Variants in NFRKB observed in about 807,000 individuals in gnomAD.
NFRKB encodes the protein nuclear factor related to kappa-B-binding protein.
Under a neutral mutation model 135.7 loss-of-function variants are expected in NFRKB, and 62 were observed. That is an observed-to-expected ratio of 0.46 (90% CI 0.37 to 0.56). The LOEUF is 0.56. Among genes scored for constraint, NFRKB ranks in the 20% least tolerant of loss-of-function variants. The probability of loss-of-function intolerance (pLI) is 0.00; values close to 1 mark genes in which losing one functional copy is unlikely to be tolerated. For synonymous variants in NFRKB, 678 were observed against 635.6 expected (o/e 1.07, Z -1.00); for missense variants, 1,545 against 1,662.0 (o/e 0.93, Z 1.22).
intron 6 of NFRKB, 32 bp downstream of exon 6, chr11:129,885,403 C>G: frequency 6.3e-7 from 1 of 1,578,742 alleles, no homozygotes; most frequent in Non-Finnish European, 8.6e-7. Context: ...CATCCAATAC[C>G]CCAGCTACCC....
At chr11:129,876,660 G>GAGTTCAGAGTTA in intron 17 of NFRKB, 61 bp downstream of exon 17, 1 of 1,558,680 alleles carries the variant, frequency 6.4e-7, no homozygotes, top group Non-Finnish European at 8.7e-7. Context: ...GTTCAGAGTT[G>GAGTTCAGAGTTA]GTAAGAGAAA....
At chr11:129,893,157 GAATA>G (rs762183085) in intron 2 of NFRKB, 2 of 1,032,538 alleles carry the variant, frequency 1.9e-6, no homozygotes, top group East Asian at 4.0e-5. Flanking sequence ...ATGAGACTGA[GAATA>G]AATGATAAAC....
chr11:129,888,978 AT>A (rs375449345), intron 3 of NFRKB, among the ~76,000 whole-genome samples, 183 bp from the exon 4 acceptor site: 2,855 of 143,654 alleles, frequency 0.02, 73 homozygotes, highest in African/African-American at 0.06. Flanking sequence ...AATTTTTTAC[AT>A]TTTTTTTTTT....
intron 13 of NFRKB, 73 bp from the exon 14 acceptor site, chr11:129,878,616 T>C (rs987020955): frequency 8.6e-7 from 1 of 1,169,024 alleles, no homozygotes; most frequent in Non-Finnish European, 1.3e-6. Flanking sequence ...TTCTCTTTAC[T>C]AGCTGTAACT....
At chr11:129,868,805 G>T (rs1251020058) in intron 24 of NFRKB, among the ~76,000 whole-genome samples, 2 of 152,186 alleles carry the variant, frequency 1.3e-5, no homozygotes, top group Admixed American at 1.3e-4. Context: ...GAGGCGGGAG[G>T]ATCATCTGAG....
chr11:129,886,887 C>G (rs1368229560), intron 4 of NFRKB, among the ~76,000 whole-genome samples: 1 of 152,194 alleles, frequency 6.6e-6, no homozygotes, highest in Non-Finnish European at 1.5e-5. Context: ...TCAGAGGAGA[C>G]AGTGCACCCT....
chr11:129,876,676 C>T (rs574638987), intron 17 of NFRKB, 45 bp downstream of exon 17: 61 of 1,546,372 alleles, frequency 3.9e-5, no homozygotes, highest in South Asian at 2.9e-4. Flanking sequence ...AGAAAAGCTG[C>T]GGGGTGAAGA....
At position 129,864,793 on chromosome 11, in the gene NFRKB, AG is replaced by A. The variant is rs1219399236; in HGVS notation, c.3831del (p.Ser1278ProfsTer9). 1.9e-6 allele frequency: 3 copies of A among 1,614,076 alleles called. No individual in the cohort carries two copies. Among genetic ancestry groups the A allele is most frequent in the Non-Finnish European group, 2.5e-6 (3 of 1,180,036 alleles). On this transcript the variant is annotated frameshift_variant, in exon 27 of 27. Transcript: ENST00000682444. LOFTEE classifies it high-confidence loss of function. ...ACAACAACAGTGGAGACTGCTTTGGAGGAGCCAGAAGCTGTTCCCTGTTGGA... is the reference window on the plus strand; with the variant it reads ...ACAACAACAGTGGAGACTGCTTTGGAGAGCCAGAAGCTGTTCCCTGTTGGA... ...SHLQQGTASG[S>X]SKAVSTVVVT...
At chr11:129,871,009 G>C (rs375109496) in intron 23 of NFRKB, among the ~76,000 whole-genome samples, 67 of 152,128 alleles carry the variant, frequency 4.4e-4, no homozygotes, top group African/African-American at 1.5e-3. Flanking sequence ...TCACCCCTTG[G>C]TATGTGCGAG....
intron 6 of NFRKB, 87 bp downstream of exon 6, chr11:129,885,348 G>C: frequency 6.9e-7 from 1 of 1,440,912 alleles, no homozygotes; most frequent in Non-Finnish European, 9.5e-7. Flanking sequence ...TTGCTGGGGA[G>C]ATAAATGGCT....
In NFRKB at chr11:129,886,383, C is replaced by T; in HGVS notation, c.399G>A (p.Lys133=). Residue 133 remains lysine, a synonymous_variant, in exon 5 of 27, where the codon AAG becomes AAA. Coordinates refer to ENST00000682444, the MANE Select transcript of NFRKB (RefSeq NM_001143835.2). ...ACTGCTGCTGGGAGTTGAGGTAGCG[C>T]TTGTACTGTGACTTGAAGCATAACT... The part of the protein sequence containing the change: ...YRQLCFKSQY[K]RYLNSQQQYF... 1 of 1,614,080 alleles carries T rather than the reference C, an allele frequency of 6.2e-7. No homozygotes were observed. The highest frequency in any genetic ancestry group is 8.5e-7 in the Non-Finnish European group (1 of 1,180,040).
chr11:129,876,780 G>A lies in NFRKB; in HGVS notation c.1688C>T (p.Ala563Val). 6.2e-7 allele frequency: 1 copy of A among 1,614,164 alleles called. No homozygotes were observed. Among genetic ancestry groups the A allele is most frequent in the Non-Finnish European group, 8.5e-7 (1 of 1,180,018 alleles). ...GGAGCGCAGCAGGGAGTGCTCCCGAGCCTTGTTGAGCGAGGTCTCCTTGTC... is the reference window on the plus strand; with the variant it reads ...GGAGCGCAGCAGGGAGTGCTCCCGAACCTTGTTGAGCGAGGTCTCCTTGTC... ...VFDKETSLNK[A>V]REHSLLRSDR... The change falls in exon 17 of 27, where the codon GCT becomes GTT. Residue 563 changes from alanine to valine, a missense_variant. By Grantham distance (64) the Ala-to-Val change is moderately conservative. Transcript: ENST00000682444.
intron 11 of NFRKB, 87 bp downstream of exon 11, chr11:129,881,999 A>AG: frequency 7.0e-7 from 1 of 1,438,212 alleles, no homozygotes; most frequent in Non-Finnish European, 9.4e-7. Context: ...AGAGGAACTC[A>AG]GAGTTCCACT....
chr11:129,889,844 G>A (rs1218824590), intron 3 of NFRKB, among the ~76,000 whole-genome samples: 2 of 151,668 alleles, frequency 1.3e-5, no homozygotes, highest in East Asian at 3.9e-4. Context: ...AGTTACCTGT[G>A]GGGGAATGGA....
At chr11:129,884,657 A>G in intron 7 of NFRKB, 88 bp downstream of exon 7, 4 of 1,447,044 alleles carry the variant, frequency 2.8e-6, no homozygotes, top group Non-Finnish European at 3.8e-6. Context: ...GTAGGTAGGA[A>G]TCTGCCCCCA....
intron 15 of NFRKB, 68 bp downstream of exon 15, chr11:129,878,241 C>T: frequency 6.5e-7 from 1 of 1,539,114 alleles, no homozygotes; most frequent in Non-Finnish European, 8.9e-7. Flanking sequence ...GAAGTATTAA[C>T]AAAACCAAGG....
Position 129,891,568 on chromosome 11 carries a change from G to C in NFRKB, c.135+1147C>G, listed in dbSNP as rs111782498. Among the ~76,000 whole-genome samples the C allele has an allele frequency of 1.6e-3, 241 of 152,264 alleles. 1 individual carries two copies. The highest frequency in any genetic ancestry group is 5.6e-3 in the African/African-American group (233 of 41,522). On this transcript the variant is annotated intron_variant, in intron 3 of 26. Coordinates refer to ENST00000682444, the MANE Select transcript of NFRKB (RefSeq NM_001143835.2). ...ACCCCCAGGCTGTGATGGATTCCCT[G>C]AGTCACCAGGACTTAAGGCCCTACA...
Position 129,886,326 on chromosome 11 carries a change from A to C in NFRKB, c.456T>G (p.Ala152=). The stretch of plus-strand genomic sequence containing the variant: ...TCCCAGCACTACTTACACTCCGGGA[A>C]GCAAGAATTTGCTTCAGCAGCCGAT... ...YFHRLLKQIL[A]SRSDLLEMAR... Residue 152 remains alanine, a synonymous_variant, in exon 5 of 27, where the codon GCT becomes GCG. Coordinates refer to ENST00000682444, the MANE Select transcript of NFRKB (RefSeq NM_001143835.2). The C allele has an allele frequency of 6.2e-7, 1 of 1,614,136 alleles. No individual in the cohort carries two copies. Among genetic ancestry groups the C allele is most frequent in the Non-Finnish European group, 8.5e-7 (1 of 1,180,002 alleles).
At chr11:129,875,965 C>G (rs1948748334) in intron 17 of NFRKB, among the ~76,000 whole-genome samples, 1 of 152,132 alleles carries the variant, frequency 6.6e-6, no homozygotes, top group African/African-American at 2.4e-5. Flanking sequence ...CCCTTACACA[C>G]TTTTAAGAGT....
Sources: gnomAD v4.1 joint callset for allele counts (sites outside exome capture counted in the v4.1 genomes callset) on GRCh38, gnomAD v4.1.1 for gene constraint, MANE v1.5 for transcripts, NCBI Gene and HGNC (gene_info 2026-07-23, HGNC 2026-07-21) for gene names.